BPTF: variants seen among roughly 807,000 people sequenced by gnomAD.
The protein encoded by BPTF is bromodomain PHD finger transcription factor, also known as nucleosome-remodeling factor subunit BPTF.
BPTF carries 18 observed loss-of-function variants against 292.5 expected under a neutral mutation model. The observed-to-expected ratio is 0.06, with a 90% CI of 0.04 to 0.09. BPTF has a LOEUF of 0.09. Ranked by LOEUF, BPTF falls within the 10% of genes least tolerant of loss-of-function variation. The pLI is 1.00. For missense variants in BPTF, 2,726 were observed against 3,498.7 expected, an observed-to-expected ratio of 0.78 and a Z score of 5.57; for synonymous variants, 1,225 against 1,251.9, an observed-to-expected ratio of 0.98 and a Z score of 0.45.
At chr17:67,882,055 G>A (rs1033257375) in intron 4 of BPTF, among the ~76,000 whole-genome samples, 4 of 151,676 alleles carry the variant, frequency 2.6e-5, no homozygotes, top group East Asian at 1.9e-4. Context: ...GGCTGGTCTC[G>A]AACTCCTGAC....
Position 67,947,818 on chromosome 17 carries a change from A to C in BPTF, c.7700+10A>C. On this transcript the variant is annotated intron_variant, in intron 22 of 27. Transcript: ENST00000306378. ...GAGAAGAGAATCAAAGGTAGGGGAG[A>C]CGCAGGGTCTTGTTGTCTGTCCGTC... 2 of 1,551,262 alleles carry C rather than the reference A, an allele frequency of 1.3e-6. No individual in the cohort carries two copies. Among genetic ancestry groups the C allele is most frequent in the Non-Finnish European group, 1.7e-6 (2 of 1,146,628 alleles).
chr17:67,891,305 A>G (rs2061093113), intron 4 of BPTF: 1 of 152,242 alleles, frequency 6.6e-6, no homozygotes, highest in African/African-American at 2.4e-5. Flanking sequence ...GGTCTTTATT[A>G]GGTTATAAAA....
intron 1 of BPTF, among the ~76,000 whole-genome samples, chr17:67,851,552 G>A (rs73994724): frequency 0.026 from 3,930 of 152,300 alleles, 189 homozygotes; most frequent in African/African-American, 0.089. Flanking sequence ...AGAAAATGTT[G>A]GTAGGAGAGA....
chr17:67,894,209 C>G, intron 7 of BPTF, 44 bp downstream of exon 7: 1 of 1,562,282 alleles, frequency 6.4e-7, no homozygotes, highest in Non-Finnish European at 8.7e-7. Flanking sequence ...ATTGGACTCC[C>G]TTTTGAAATA....
chr17:67,870,862 C>T (rs1399786770), intron 3 of BPTF, among the ~76,000 whole-genome samples: 1 of 148,456 alleles, frequency 6.7e-6, no homozygotes, highest in Non-Finnish European at 1.5e-5. Flanking sequence ...CTCCGCCTCC[C>T]GGGTTCACGC....
At chr17:67,877,451 G>A (rs1203776622) in intron 4 of BPTF, among the ~76,000 whole-genome samples, 2 of 152,278 alleles carry the variant, frequency 1.3e-5, no homozygotes, top group East Asian at 3.9e-4. Flanking sequence ...AATTGGGGTG[G>A]GAGAATTGTT....
chr17:67,845,992 G>A (rs1453935942), intron 1 of BPTF, among the ~76,000 whole-genome samples: 7 of 151,988 alleles, frequency 4.6e-5, no homozygotes, highest in Non-Finnish European at 2.9e-5. Flanking sequence ...CATTAAATGA[G>A]TTCTTAAACT....
chr17:67,871,813 T>C (rs1233922304), intron 3 of BPTF, among the ~76,000 whole-genome samples: 2 of 152,102 alleles, frequency 1.3e-5, no homozygotes, highest in Admixed American at 6.6e-5. Context: ...TTTCTTTTTG[T>C]TGTTGTTGTT....
At chr17:67,849,404 C>T (rs1348311249) in intron 1 of BPTF, among the ~76,000 whole-genome samples, 1 of 152,168 alleles carries the variant, frequency 6.6e-6, no homozygotes, top group Non-Finnish European at 1.5e-5. Context: ...TTCTCTCAAA[C>T]ATGATAATGC....
intron 10 of BPTF, among the ~76,000 whole-genome samples, chr17:67,910,509 A>T (rs1195881041): frequency 6.6e-6 from 1 of 152,216 alleles, no homozygotes; most frequent in Admixed American, 6.5e-5. Context: ...ACTTTAAAAA[A>T]ATATTTTTGG....
At position 67,945,628 on chromosome 17, in the gene BPTF, C is replaced by G. The variant is rs1555674441; in HGVS notation, c.6920C>G (p.Ser2307Cys). Residue 2307 changes from serine to cysteine, a missense_variant, in exon 21 of 28, where the codon TCC becomes TGC. By Grantham distance (112) the Ser-to-Cys change is moderately radical. Coordinates refer to ENST00000306378, the MANE Select transcript of BPTF (RefSeq NM_182641.4). ...PEVQTQTTVSSHVPSEAQPTH... is the reference protein window; with the variant it reads ...PEVQTQTTVSCHVPSEAQPTH... ...GTTCAGACCCAAACAACTGTTTCATCCCATGTCCCTTCTGAAGCACAACCC... is the reference window on the plus strand; with the variant it reads ...GTTCAGACCCAAACAACTGTTTCATGCCATGTCCCTTCTGAAGCACAACCC... The G allele has an allele frequency of 1.9e-6, 3 of 1,613,872 alleles. No homozygotes were observed. In the Admixed American group the frequency reaches 5.0e-5, roughly 27 times the overall value.
chr17:67,975,105 A>C, intron 26 of BPTF: 1 of 152,238 alleles, frequency 6.6e-6, no homozygotes, highest in East Asian at 1.9e-4. Context: ...TTAGGAGCTA[A>C]GTGTCAGGAA....
At position 67,854,400 on chromosome 17, in the gene BPTF, G is replaced by C. The variant is rs991755344; in HGVS notation, c.1074G>C (p.Glu358Asp). The C allele has an allele frequency of 7.4e-6, 12 of 1,614,056 alleles. No homozygotes were observed. The Admixed American group carries it at 1.0e-4, about 13-fold the overall frequency. ...AGGACTACCCATATGGACCAGTAGA[G>C]AACAAGATCAAAGTTCTACAGTTTC... ...EAEDYPYGPV[E>D]NKIKVLQFLV... The change falls in exon 2 of 28, where the codon GAG becomes GAC. Residue 358 changes from glutamate to aspartate, a missense_variant. Glu to Asp is a conservative substitution (Grantham distance 45). This residue lies in a region of BPTF where 102 missense variants were observed against 212.6 expected (regional missense o/e 0.48). Transcript: ENST00000306378. This position sits in a 1 kb window ranked among gnomAD's most constrained non-coding sequence, Gnocchi z 5.6.
chr17:67,959,781 T>G lies in BPTF; in HGVS notation c.8167T>G (p.Ser2723Ala). ...REEEKDSSSK[S>A]KKKKMISTTS... is the part of the protein sequence containing the mutation. ...AGAGGAAAAAGACTCCAGCTCAAAG[T>G]CCAAGAAAAAGAAAATGATCTCTAC... The change falls in exon 24 of 28, where the codon TCC (serine) becomes GCC (alanine). Residue 2723 changes from serine (S) to alanine (A), a missense_variant. Transcript: ENST00000306378. 6.2e-7 allele frequency: 1 copy of G among 1,613,668 alleles called. No homozygotes were observed. Among genetic ancestry groups the G allele is most frequent in the Non-Finnish European group, 8.5e-7 (1 of 1,179,886 alleles).
rs192383937 is a variant in BPTF at position 67,950,411 on chromosome 17, G to A, written c.7926+2105G>A. ...TGCCAACAATCAACGTTATTATTTA[G>A]CATTTCTGGAAGTTCTGGCAAATAT... is the stretch of plus-strand genomic sequence containing the variant. On this transcript the variant is annotated intron_variant, in intron 23 of 27. Transcript: ENST00000306378. Among the ~76,000 whole-genome samples the A allele has an allele frequency of 9.1e-4, 138 of 152,242 alleles. 1 individual carries two copies. Among genetic ancestry groups the A allele is most frequent in the Admixed American group, 3.8e-3 (58 of 15,282 alleles).
chr17:67,920,009 C>T lies in BPTF; in HGVS notation c.5429-6C>T. 1 of 1,608,246 alleles carries T rather than the reference C, an allele frequency of 6.2e-7. No individual in the cohort carries two copies. Among genetic ancestry groups the T allele is most frequent in the Non-Finnish European group, 8.5e-7 (1 of 1,176,724 alleles). ...TTATTAATACTATTGAATTAAATCA[C>T]CATAGAAACATCCGAAACTGAAATC... is the stretch of plus-strand genomic sequence containing the variant. On this transcript the variant is annotated splice_polypyrimidine_tract_variant and splice_region_variant and intron_variant, in intron 12 of 27. Transcript: ENST00000306378.
At chr17:67,979,267 G>T (rs2070001833) in intron 27 of BPTF, among the ~76,000 whole-genome samples, 1 of 151,784 alleles carries the variant, frequency 6.6e-6, no homozygotes, top group Non-Finnish European at 1.5e-5. Flanking sequence ...ATGACATTGG[G>T]CCGGGCACGG....
intron 27 of BPTF, among the ~76,000 whole-genome samples, chr17:67,978,153 C>T (rs2069784561): frequency 6.6e-6 from 1 of 151,592 alleles, no homozygotes; most frequent in South Asian, 2.1e-4. Flanking sequence ...CGCACCCGGC[C>T]ATGATGTATC....
chr17:67,858,705 C>T (rs1239571672), intron 2 of BPTF, among the ~76,000 whole-genome samples: 1 of 152,232 alleles, frequency 6.6e-6, no homozygotes, highest in African/African-American at 2.4e-5. Flanking sequence ...CAAGTGCCCT[C>T]CTGAAAGGAG....
Sources: gnomAD v4.1 joint callset for allele counts (sites outside exome capture counted in the v4.1 genomes callset) on GRCh38, gnomAD v4.1.1 for gene constraint, gnomAD v4.1.1 regional missense constraint, Gnocchi (gnomAD v3.1) non-coding constraint, MANE v1.5 for transcripts, NCBI Gene and HGNC (gene_info 2026-07-23, HGNC 2026-07-21) for gene names.